KLK9: variants seen among roughly 807,000 people sequenced by gnomAD.
KLK9 encodes the protein kallikrein-9.
Under a neutral mutation model 23.3 loss-of-function variants are expected in KLK9, and 26 were observed. That is an observed-to-expected ratio of 1.12 (90% confidence interval 0.82 to 1.55). KLK9 has a LOEUF of 1.55. Ranked by LOEUF, KLK9 falls within the 40% of genes most tolerant of loss-of-function variation. The pLI is 0.00. For synonymous variants in KLK9, 122 were observed against 128.5 expected, an observed-to-expected ratio of 0.95 and a Z score of 0.34; for missense variants, 346 against 333.7, an observed-to-expected ratio of 1.04 and a Z score of -0.29.
chr19:51,009,208 G>T lies in KLK9; in HGVS notation c.175C>A (p.Leu59Ile). Reference sequence around the variant, plus strand: ...GGCTTGCGGCAGTGGGCAGCTGTGAGCAGCCAGCGGTCACTGATGAGGGTC... The same window carrying T: ...GGCTTGCGGCAGTGGGCAGCTGTGATCAGCCAGCGGTCACTGATGAGGGTC... ...GATLISDRWL[L>I]TAAHCRKPYL... is the part of the protein sequence containing the mutation. The change falls in exon 2 of 5, where the codon CTC becomes ATC. Residue 59 changes from leucine to isoleucine, a missense_variant. Physicochemically the swap from Leu to Ile is conservative, Grantham distance 5. Coordinates refer to ENST00000594211, the MANE Select transcript of KLK9 (RefSeq NM_012315.2). The surrounding 1 kb of genome is among the most constrained non-coding windows in gnomAD (Gnocchi z 4.8). 6.2e-7 allele frequency: 1 copy of T among 1,609,138 alleles called. No homozygotes were observed. The highest frequency in any genetic ancestry group is 1.7e-5 in the Admixed American group (1 of 59,676).
At chr19:51,008,222 C>A in intron 2 of KLK9, among the ~76,000 whole-genome samples, 1 of 147,136 alleles carries the variant, frequency 6.8e-6, no homozygotes. Context: ...CCTGTAATCC[C>A]AGCTACTCAG....
At chr19:51,005,844 C>G (rs908219861) in intron 3 of KLK9, among the ~76,000 whole-genome samples, 1 of 151,166 alleles carries the variant, frequency 6.6e-6, no homozygotes, top group Admixed American at 6.6e-5. Flanking sequence ...TTTGGGAGTC[C>G]AAGGCGGGCA....
rs2091257756 is a variant in KLK9, at chr19:51,006,861, T to C, written c.201-138A>G. The C allele has an allele frequency of 1.1e-6, 1 of 951,492 alleles. No homozygotes were observed. Among genetic ancestry groups the C allele is most frequent in the African/African-American group, 1.7e-5 (1 of 60,406 alleles). 58.9% of individuals were successfully genotyped at this position (951,492 alleles called of 1,614,324 possible). ...CCTCTCTGCACCCTCATCATCTATG[T>C]CTGGCCCAGGGTACTGTGATTTTAA... On this transcript the variant is annotated intron_variant, in intron 2 of 4. Coordinates refer to ENST00000594211, the MANE Select transcript of KLK9 (RefSeq NM_012315.2). The surrounding 1 kb of genome is among the most constrained non-coding windows in gnomAD (Gnocchi z 4.1).
At chr19:51,004,558 G>C (rs947614449) in intron 3 of KLK9, among the ~76,000 whole-genome samples, 1 of 150,192 alleles carries the variant, frequency 6.7e-6, no homozygotes, top group Non-Finnish European at 1.5e-5. Context: ...AAATCAGCTG[G>C]GCATGCTGTT....
chr19:51,004,373 A>G (rs1409739266), intron 3 of KLK9, among the ~76,000 whole-genome samples: 2 of 139,558 alleles, frequency 1.4e-5, no homozygotes, highest in Non-Finnish European at 3.1e-5. Flanking sequence ...AAAAAAAAAA[A>G]AAAGAAAGGA....
At position 51,003,218 on chromosome 19, in the gene KLK9, C is replaced by G; in HGVS notation, c.646G>C (p.Gly216Arg). The change falls in exon 5 of 5, where the codon GGC becomes CGC. Residue 216 changes from glycine to arginine, a missense_variant. Physicochemically the swap from Gly to Arg is moderately radical, Grantham distance 125. Transcript: ENST00000594211. ...GGCTCAGCACCCCCAGACACCACGC[C>G]TGCCAAGGTTCCATTGCAAACCAGG... is the stretch of plus-strand genomic sequence containing the variant. ...GPLVCNGTLA[G>R]VVSGGAEPCS... is the part of the protein sequence containing the mutation. The G allele has an allele frequency of 6.2e-7, 1 of 1,613,340 alleles. No individual in the cohort carries two copies. Among genetic ancestry groups the G allele is most frequent in the African/African-American group, 1.3e-5 (1 of 75,046 alleles).
Position 51,003,083 on chromosome 19 carries a change from T to C in KLK9, c.*28A>G. On this transcript the variant is annotated 3_prime_UTR_variant, in exon 5 of 5. Transcript: ENST00000594211. ...CCGTGCCCTTCGGCCTCTCTTGGTC[T>C]TCCAAGGTGCCCCCGTGGCGCGCGG... is the stretch of plus-strand genomic sequence containing the variant. The C allele has an allele frequency of 6.3e-7, 1 of 1,592,080 alleles. No homozygotes were observed. Among genetic ancestry groups the C allele is most frequent in the Non-Finnish European group, 8.6e-7 (1 of 1,166,780 alleles).
chr19:51,002,864 T>C lies in KLK9; in HGVS notation c.*247A>G. 2.3e-6 allele frequency: 1 copy of C among 429,436 alleles called. No homozygotes were observed. The highest frequency in any genetic ancestry group is 4.1e-6 in the Non-Finnish European group (1 of 243,030). 26.6% of individuals were successfully genotyped at this position (429,436 alleles called of 1,614,324 possible). ...TGTTCCAAGAAGGAGGTGATGGCTG[T>C]CGGTGACGTCATAGAGACGGGCTCT... On this transcript the variant is annotated 3_prime_UTR_variant, in exon 5 of 5. Transcript: ENST00000594211.
chr19:51,003,029 A>G lies in KLK9; in HGVS notation c.*82T>C. 1 of 1,472,398 alleles carries G rather than the reference A, an allele frequency of 6.8e-7. No homozygotes were observed. The highest frequency in any genetic ancestry group is 1.4e-5 in the African/African-American group (1 of 71,548). The allele number at this position is 1,472,398 out of a possible 1,614,324, so 91.2% of individuals were successfully genotyped here. On this transcript the variant is annotated 3_prime_UTR_variant, in exon 5 of 5. Transcript: ENST00000594211. ...TGGAGGTCCAGGGCGGGAACCATTG[A>G]GGCTGGGACCCTACGAGAACCCCCT...
intron 3 of KLK9, among the ~76,000 whole-genome samples, chr19:51,004,604 G>A (rs1335936063): frequency 2.7e-5 from 4 of 150,920 alleles, no homozygotes; most frequent in Admixed American, 2.6e-4. Flanking sequence ...GGAGGCTGAG[G>A]CAGGAGGATC....
chr19:51,006,565 T>C lies in KLK9; in HGVS notation c.359A>G (p.Gln120Arg), dbSNP rs1264165677. The change falls in exon 3 of 5, where the codon CAG becomes CGG. Residue 120 changes from glutamine (Q) to arginine (R), a missense_variant. Physicochemically the swap from Gln to Arg is conservative, Grantham distance 43. Coordinates refer to ENST00000594211, the MANE Select transcript of KLK9 (RefSeq NM_012315.2). This position sits in a 1 kb window ranked among gnomAD's most constrained non-coding sequence, Gnocchi z 4.1. ...DDIMLIRLPR[Q>R]ARLSPAVQPL... Reference sequence around the variant, plus strand: ...CTGCACAGCAGGACTCAGACGTGCCTGCCTGGGCAGGCGGATCAGCATGAT... The same window carrying C: ...CTGCACAGCAGGACTCAGACGTGCCCGCCTGGGCAGGCGGATCAGCATGAT... The C allele has an allele frequency of 6.2e-7, 1 of 1,613,180 alleles. No homozygotes were observed. Among genetic ancestry groups the C allele is most frequent in the South Asian group, 1.1e-5 (1 of 91,078 alleles).
Position 51,009,185 on chromosome 19 carries a change from C to G in KLK9, c.198G>C (p.Lys66Asn). Residue 66 changes from lysine to asparagine, a missense_variant and splice_region_variant, in exon 2 of 5, where the codon AAG becomes AAC. Lys to Asn is a moderately conservative substitution (Grantham distance 94). Transcript: ENST00000594211. This position sits in a 1 kb window ranked among gnomAD's most constrained non-coding sequence, Gnocchi z 4.8. ...CATGGCCAGCCTGGGTCACTCACGGCTTGCGGCAGTGGGCAGCTGTGAGCA... is the reference window on the plus strand; with the variant it reads ...CATGGCCAGCCTGGGTCACTCACGGGTTGCGGCAGTGGGCAGCTGTGAGCA... ...RWLLTAAHCR[K>N]PYLWVRLGEH... 1.2e-6 allele frequency: 2 copies of G among 1,606,516 alleles called. No individual in the cohort carries two copies. Among genetic ancestry groups the G allele is most frequent in the Non-Finnish European group, 1.7e-6 (2 of 1,178,382 alleles).
In KLK9 at chr19:51,003,068, C is replaced by T. The variant is rs753763508; in HGVS notation, c.*43G>A. On this transcript the variant is annotated 3_prime_UTR_variant, in exon 5 of 5. Transcript: ENST00000594211. Reference sequence around the variant, plus strand: ...CGAGAACCCCCTACCCCGTGCCCTTCGGCCTCTCTTGGTCTTCCAAGGTGC... The same window carrying T: ...CGAGAACCCCCTACCCCGTGCCCTTTGGCCTCTCTTGGTCTTCCAAGGTGC... 4 of 1,577,622 alleles carry T rather than the reference C, an allele frequency of 2.5e-6. No individual in the cohort carries two copies. The highest frequency in any genetic ancestry group is 1.7e-5 in the Admixed American group (1 of 58,446).
At chr19:51,004,208 C>T (rs1377553913) in intron 3 of KLK9, among the ~76,000 whole-genome samples, 2 of 151,290 alleles carry the variant, frequency 1.3e-5, no homozygotes, top group Non-Finnish European at 2.9e-5. Flanking sequence ...GGCATGGTGG[C>T]AGGCGCCTGT....
Position 51,009,267 on chromosome 19 carries a change from C to A in KLK9, c.116G>T (p.Gly39Val). ...CRPNSQPWQA[G>V]LFHLTRLFCG... is the part of the protein sequence containing the mutation. ...GAAGAGCCGAGTAAGGTGGAAGAGG[C>A]CGGCCTGCCAAGGCTGGGAGTTGGG... is the stretch of plus-strand genomic sequence containing the variant. Residue 39 changes from glycine to valine, a missense_variant, in exon 2 of 5, where the codon GGC (glycine) becomes GTC (valine). Transcript: ENST00000594211. The surrounding 1 kb of genome is among the most constrained non-coding windows in gnomAD (Gnocchi z 4.8). The A allele has an allele frequency of 6.2e-7, 1 of 1,607,126 alleles. No homozygotes were observed. Among genetic ancestry groups the A allele is most frequent in the South Asian group, 1.1e-5 (1 of 89,704 alleles).
intron 2 of KLK9, among the ~76,000 whole-genome samples, chr19:51,008,091 G>A (rs1471061028): frequency 6.6e-6 from 1 of 151,476 alleles, no homozygotes; most frequent in African/African-American, 2.4e-5. Flanking sequence ...AGCACTTTGG[G>A]AGGCCGAGGC....
At position 51,004,338 on chromosome 19, in the gene KLK9, CAAAAAAAAAAAAAAAAAAAAA is replaced by C. The variant is rs71333922; in HGVS notation, c.467-519_467-499del. 3.6e-3 allele frequency among the ~76,000 whole-genome samples: 116 copies of C among 32,562 alleles called. 1 individual carries two copies. The highest frequency in any genetic ancestry group is 0.011 in the African/African-American group (100 of 9,494). The allele number at this position is 32,562 out of a possible 152,430, so 21.4% of individuals were successfully genotyped here. A position where few individuals can be genotyped will look rare whatever the true frequency, so the allele number is the denominator to read the frequency against. On this transcript the variant is annotated intron_variant, in intron 3 of 4. Coordinates refer to ENST00000594211, the MANE Select transcript of KLK9 (RefSeq NM_012315.2). ...TGGGAGACAGAGCAAGACTCCGTCT[CAAAAAAAAAAAAAAAAAAAAA>C]AAAAAAAAAAAAAAAAAGAAAGGAA...
intron 3 of KLK9, among the ~76,000 whole-genome samples, chr19:51,004,758 A>T (rs928579664): frequency 6.6e-6 from 1 of 152,022 alleles, no homozygotes; most frequent in African/African-American, 2.4e-5. Context: ...GGTGGAATGA[A>T]GGCAGTGAGA....
Position 51,009,174 on chromosome 19 carries a change from G to A in KLK9, c.200+9C>T, listed in dbSNP as rs1166879251. On this transcript the variant is annotated intron_variant, in intron 2 of 4. Coordinates refer to ENST00000594211, the MANE Select transcript of KLK9 (RefSeq NM_012315.2). The surrounding 1 kb of genome is among the most constrained non-coding windows in gnomAD (Gnocchi z 4.8). ...TCCCTCCCCAGCATGGCCAGCCTGGGTCACTCACGGCTTGCGGCAGTGGGC... is the reference window on the plus strand; with the variant it reads ...TCCCTCCCCAGCATGGCCAGCCTGGATCACTCACGGCTTGCGGCAGTGGGC... 6.2e-7 allele frequency: 1 copy of A among 1,605,672 alleles called. No individual in the cohort carries two copies. Among genetic ancestry groups the A allele is most frequent in the Non-Finnish European group, 8.5e-7 (1 of 1,178,030 alleles).
Sources: gnomAD v4.1 joint callset for allele counts (sites outside exome capture counted in the v4.1 genomes callset) on GRCh38, gnomAD v4.1.1 for gene constraint, Gnocchi (gnomAD v3.1) non-coding constraint, MANE v1.5 for transcripts, NCBI Gene and HGNC (gene_info 2026-07-23, HGNC 2026-07-21) for gene names.